The following RIF1 variants were observed in gnomAD, a reference collection of about 807,000 sequenced individuals.
RIF1 encodes the protein telomere-associated protein RIF1.
Under a neutral mutation model 247.1 loss-of-function variants are expected in RIF1, and 45 were observed. That is an observed-to-expected ratio of 0.18 (90% CI 0.14 to 0.23). The LOEUF (loss-of-function observed/expected upper bound fraction) is 0.23, where lower values mean the gene tolerates loss of function less well. Among genes scored for constraint, RIF1 ranks in the 10% least tolerant of loss-of-function variants. RIF1 has a pLI of 1.00. For synonymous variants in RIF1, 1,087 were observed against 978.8 expected (o/e 1.11, Z -2.06); for missense variants, 2,967 against 2,862.5 (o/e 1.04, Z -0.83).
intron 34 of RIF1, among the ~76,000 whole-genome samples, chr2:151,471,193 G>A (rs1405682668): frequency 6.6e-6 from 1 of 152,080 alleles, no homozygotes; most frequent in Non-Finnish European, 1.5e-5. Flanking sequence ...CTTTCACTTA[G>A]CATAATGTTT....
chr2:151,510,195 GA>G (rs375957418), downstream of RIF1, among the ~76,000 whole-genome samples: 99 of 152,280 alleles, frequency 6.5e-4, no homozygotes, highest in Middle Eastern at 0.017. Context: ...GAGGTTTGAG[GA>G]GTTTCTTCAG....
downstream of RIF1, among the ~76,000 whole-genome samples, chr2:151,508,514 G>C (rs1041177250): frequency 6.6e-6 from 1 of 152,210 alleles, no homozygotes; most frequent in South Asian, 2.1e-4. Context: ...GAGAGAAGCT[G>C]GAGGGTTAAG....
intron 10 of RIF1, chr2:151,496,412 T>C (rs2060206916): frequency 6.4e-7 from 1 of 1,562,842 alleles, no homozygotes; most frequent in Non-Finnish European, 8.7e-7. Flanking sequence ...ATGAGTAACA[T>C]TTCATTTGTT....
chr2:151,470,383 A>G (rs1371039202), intron 34 of RIF1, among the ~76,000 whole-genome samples: 1 of 152,140 alleles, frequency 6.6e-6, no homozygotes, highest in African/African-American at 2.4e-5. Flanking sequence ...ATCCATTGAC[A>G]CTACAGGTTG....
intron 9 of RIF1, chr2:151,491,720 T>C: frequency 1.3e-6 from 2 of 1,598,574 alleles, no homozygotes; most frequent in Non-Finnish European, 1.7e-6. Flanking sequence ...GGATGTTGTC[T>C]TCTGCTGGAT....
At chr2:151,448,618 A>G (rs147038180) in intron 20 of RIF1, among the ~76,000 whole-genome samples, 68 of 152,294 alleles carry the variant, frequency 4.5e-4, no homozygotes, top group African/African-American at 1.2e-3. Flanking sequence ...TACACTACCC[A>G]TGAGGTTTCT....
chr2:151,432,885 T>A (rs1180244047), intron 9 of RIF1, among the ~76,000 whole-genome samples, 192 bp from the exon 10 acceptor site: 1 of 152,228 alleles, frequency 6.6e-6, no homozygotes, highest in Non-Finnish European at 1.5e-5. Context: ...TATTGAGTGT[T>A]TTTGGTTCAG....
At chr2:151,492,050 A>G (rs1281868708) in intron 9 of RIF1, 5 of 1,568,152 alleles carry the variant, frequency 3.2e-6, no homozygotes, top group Admixed American at 1.7e-5. Flanking sequence ...TTGTTCTTCT[A>G]CCCCCTCACT....
At chr2:151,519,972 C>A in the RIF1 span, 1 of 416,212 alleles carries the variant, frequency 2.4e-6, no homozygotes, top group Non-Finnish European at 4.3e-6. Context: ...AATATATGAT[C>A]ACTGGCCTTG....
chr2:151,430,145 C>T (rs1007029843), intron 9 of RIF1, among the ~76,000 whole-genome samples: 9 of 151,716 alleles, frequency 5.9e-5, no homozygotes, highest in Admixed American at 1.3e-4. Flanking sequence ...CTCAGCCTCC[C>T]GATTAGTTGG....
chr2:151,461,102 T>C, intron 26 of RIF1, 36 bp from the exon 27 acceptor site: 1 of 1,579,074 alleles, frequency 6.3e-7, no homozygotes, highest in Non-Finnish European at 8.6e-7. Context: ...ATTTGGAAGC[T>C]AAAATGTACA....
intron 9 of RIF1, chr2:151,489,834 T>C (rs186335817): frequency 7.5e-6 from 4 of 536,440 alleles, no homozygotes; most frequent in African/African-American, 3.9e-5. Context: ...ATCATTAATA[T>C]GAAACATGTA....
chr2:151,486,885 G>C (rs2035191951), downstream of RIF1: 1 of 152,200 alleles, frequency 6.6e-6, no homozygotes, highest in Non-Finnish European at 1.5e-5. Context: ...ATGGGCACCA[G>C]CATTTGTTTG....
At chr2:151,514,482 C>T in the RIF1 span, 1 of 1,342,388 alleles carries the variant, frequency 7.4e-7, no homozygotes, top group South Asian at 1.2e-5. Flanking sequence ...GATTGATTCT[C>T]TCAGGCAAAG....
At chr2:151,518,902 C>T in the RIF1 span, 1 of 1,127,440 alleles carries the variant, frequency 8.9e-7, no homozygotes, top group Admixed American at 1.8e-5. Flanking sequence ...CATCTGGGCT[C>T]AGAAAGAATT....
At chr2:151,497,675 A>AC in intron 10 of RIF1, 1 of 1,586,238 alleles carries the variant, frequency 6.3e-7, no homozygotes, top group Non-Finnish European at 8.6e-7. Context: ...CTCGGGAGTG[A>AC]CAGGTAAAGG....
chr2:151,410,507 C>T lies in RIF1; in HGVS notation c.84C>T (p.Asp28=), dbSNP rs2152053320. 1.2e-6 allele frequency: 2 copies of T among 1,613,840 alleles called. No homozygotes were observed. Among genetic ancestry groups the T allele is most frequent in the South Asian group, 1.1e-5 (1 of 91,006 alleles). ...DPSASHGGQT[D]AYLTLTSRMT... ...CTGCCTCCCATGGAGGGCAGACTGA[C>T]GCTTACCTGACTCTGACCAGGTGAG... Residue 28 remains aspartate, a synonymous_variant, in exon 2 of 36, where the codon GAC becomes GAT. Transcript: ENST00000444746.
At chr2:151,527,251 TCA>T in the RIF1 span, among the ~76,000 whole-genome samples, 20 of 152,032 alleles carry the variant, frequency 1.3e-4, no homozygotes, top group Admixed American at 9.2e-4. Context: ...CTCCCCAGCC[TCA>T]GTCAGAACTC....
the RIF1 span, chr2:151,527,724 T>C: frequency 1.5e-6 from 1 of 651,026 alleles, no homozygotes; most frequent in Non-Finnish European, 2.6e-6. Flanking sequence ...CCAATTGAAA[T>C]TTCTGTACAA....
Sources: allele counts gnomAD v4.1 joint callset (sites outside exome capture counted in the v4.1 genomes callset), GRCh38; gene constraint gnomAD v4.1.1; transcripts MANE v1.5; gene names NCBI Gene and HGNC (gene_info 2026-07-23, HGNC 2026-07-21).